MPEG1: variants seen among roughly 807,000 people sequenced by gnomAD.
MPEG1 encodes macrophage expressed 1, also known as macrophage-expressed gene 1 protein.
For synonymous variants in MPEG1, 365 were observed against 351.9 expected, an observed-to-expected ratio of 1.04 and a Z score of -0.42; for missense variants, 876 against 880.3, an observed-to-expected ratio of 1.00 and a Z score of 0.06.
In MPEG1 at chr11:59,211,388, T is replaced by C. The variant is rs1862888829; in HGVS notation, c.1478A>G (p.Asn493Ser). 2 of 1,614,156 alleles carry C rather than the reference T, an allele frequency of 1.2e-6. No individual in the cohort carries two copies. Among genetic ancestry groups the C allele is most frequent in the Non-Finnish European group, 1.7e-6 (2 of 1,180,026 alleles). The change falls in exon 1 of 1, where the codon AAT becomes AGT. Residue 493 changes from asparagine to serine, a missense_variant. By Grantham distance (46) the Asn-to-Ser change is conservative. Coordinates refer to ENST00000361050, the MANE Select transcript of MPEG1 (RefSeq NM_001039396.2). ...GTAGCCGGCTGGGCATGACTGTGCA[T>C]TTGTCATGGGGTTTATGCTCTTGCT... ...FSSKSINPMT[N>S]AQSCPAGYFP...
Position 59,211,775 on chromosome 11 carries a change from G to A in MPEG1, c.1091C>T (p.Thr364Met), listed in dbSNP as rs374773074. ...NSPNFNFQAN[T>M]DDGSCEGKMT... ...TTTCCCCTCGCAGGAGCCATCATCCGTGTTGGCCTGAAAATTGAAGTTGGG... is the reference window on the plus strand; with the variant it reads ...TTTCCCCTCGCAGGAGCCATCATCCATGTTGGCCTGAAAATTGAAGTTGGG... The change falls in exon 1 of 1, where the codon ACG becomes ATG. Residue 364 changes from threonine to methionine, a missense_variant. Physicochemically the swap from Thr to Met is moderately conservative, Grantham distance 81 (BLOSUM62 -1). Coordinates refer to ENST00000361050, the MANE Select transcript of MPEG1 (RefSeq NM_001039396.2). 3.4e-5 allele frequency: 55 copies of A among 1,614,194 alleles called. 1 individual carries two copies. The highest frequency in any genetic ancestry group is 1.1e-4 in the East Asian group (5 of 44,886).
rs1180252024 is a variant in MPEG1, at chr11:59,209,459, T to C, written c.*1256A>G. On this transcript the variant is annotated 3_prime_UTR_variant, in exon 1 of 1. Transcript: ENST00000361050. ...AGATTGGTATTAAAATTGAGCAAAG[T>C]CCCAACTCTCACCAGATGACAATTA... The C allele has an allele frequency of 6.6e-6, 1 of 152,122 alleles. No individual in the cohort carries two copies. Among genetic ancestry groups the C allele is most frequent in the Non-Finnish European group, 1.5e-5 (1 of 68,034 alleles). The allele number at this position is 152,122 out of a possible 1,614,324, so 9.4% of individuals were successfully genotyped here.
In MPEG1 at chr11:59,211,003, C is replaced by G; in HGVS notation, c.1863G>C (p.Trp621Cys). ...ACTGGTGGGTCTGGGAGTCTTTAATCCAGGATCTCGCATTCTCAGAATTGG... is the reference window on the plus strand; with the variant it reads ...ACTGGTGGGTCTGGGAGTCTTTAATGCAGGATCTCGCATTCTCAGAATTGG... ...IVTNSENARSWIKDSQTHQWR... is the reference protein window; with the variant it reads ...IVTNSENARSCIKDSQTHQWR... The change falls in exon 1 of 1, where the codon TGG (tryptophan) becomes TGC (cysteine). Residue 621 changes from tryptophan (W) to cysteine (C), a missense_variant. Coordinates refer to ENST00000361050, the MANE Select transcript of MPEG1 (RefSeq NM_001039396.2). The G allele has an allele frequency of 1.2e-6, 2 of 1,614,182 alleles. No homozygotes were observed. The highest frequency in any genetic ancestry group is 1.7e-6 in the Non-Finnish European group (2 of 1,180,036).
Position 59,210,623 on chromosome 11 carries a change from T to G in MPEG1, c.*92A>C. On this transcript the variant is annotated 3_prime_UTR_variant, in exon 1 of 1. Coordinates refer to ENST00000361050, the MANE Select transcript of MPEG1 (RefSeq NM_001039396.2). ...ACAAGAAGTCACGAATATACCTACT[T>G]TTGGTTGCACTTGCCATTTCAATGC... 1.7e-6 allele frequency: 2 copies of G among 1,155,372 alleles called. No individual in the cohort carries two copies. Among genetic ancestry groups the G allele is most frequent in the Non-Finnish European group, 2.5e-6 (2 of 796,438 alleles). The allele number at this position is 1,155,372 out of a possible 1,614,324, so 71.6% of individuals were successfully genotyped here.
chr11:59,211,676 C>A lies in MPEG1; in HGVS notation c.1190G>T (p.Cys397Phe). 6.2e-7 allele frequency: 1 copy of A among 1,614,182 alleles called. No individual in the cohort carries two copies. The highest frequency in any genetic ancestry group is 8.5e-7 in the Non-Finnish European group (1 of 1,180,040). Residue 397 changes from cysteine (C) to phenylalanine (F), a missense_variant, in exon 1 of 1, where the codon TGC (cysteine) becomes TTC (phenylalanine). Transcript: ENST00000361050. ...QLSGNRDVLL[C>F]QKLEQKNPLT... The stretch of plus-strand genomic sequence containing the variant: ...TGGATTCTTCTGCTCCAACTTTTGG[C>A]AGAGGAGGACATCCCTATTCCCTGA...
At position 59,210,347 on chromosome 11, in the gene MPEG1, AG is replaced by A; in HGVS notation, c.*367del. ...GTAGTTCTTACAGGCAGAAACTCTT[AG>A]AGCTCACAAATTGGAAACAACTGCA... On this transcript the variant is annotated 3_prime_UTR_variant, in exon 1 of 1. Transcript: ENST00000361050. The A allele has an allele frequency of 9.9e-6, 2 of 201,800 alleles. No individual in the cohort carries two copies. Among genetic ancestry groups the A allele is most frequent in the South Asian group, 1.2e-4 (1 of 8,360 alleles). The allele number at this position is 201,800 out of a possible 1,614,324, so 12.5% of individuals were successfully genotyped here.
Position 59,212,780 on chromosome 11 carries a change from A to T in MPEG1, c.86T>A (p.Val29Asp), listed in dbSNP as rs1192298394. Residue 29 changes from valine (V) to aspartate (D), a missense_variant, in exon 1 of 1, where the codon GTT becomes GAT. Coordinates refer to ENST00000361050, the MANE Select transcript of MPEG1 (RefSeq NM_001039396.2). ...GGCATTCTTGCATTTTTGAACTCCA[A>T]CTTCGTCCATCTCTCCCGAAGGCTT... ...SGKPSGEMDE[V>D]GVQKCKNALK... 6.2e-7 allele frequency: 1 copy of T among 1,614,200 alleles called. No individual in the cohort carries two copies. The highest frequency in any genetic ancestry group is 1.3e-5 in the African/African-American group (1 of 75,048).
In MPEG1 at chr11:59,210,847, G is replaced by A. The variant is rs772598778; in HGVS notation, c.2019C>T (p.Thr673=). 1.2e-5 allele frequency: 20 copies of A among 1,614,032 alleles called. No homozygotes were observed. In the South Asian group the frequency reaches 1.9e-4, roughly 15 times the overall value. ...GVTTILAVVI[T]LAIYGTRKFK... Reference sequence around the variant, plus strand: ...ACTTCCGGGTGCCGTAGATGGCCAAGGTGATAACAACAGCCAGAATGGTGG... The same window carrying A: ...ACTTCCGGGTGCCGTAGATGGCCAAAGTGATAACAACAGCCAGAATGGTGG... Residue 673 remains threonine, a synonymous_variant, in exon 1 of 1, where the codon ACC becomes ACT. Transcript: ENST00000361050.
Position 59,212,318 on chromosome 11 carries a change from T to C in MPEG1, c.548A>G (p.Glu183Gly). 1 of 1,614,028 alleles carries C rather than the reference T, an allele frequency of 6.2e-7. No individual in the cohort carries two copies. The highest frequency in any genetic ancestry group is 1.7e-5 in the Admixed American group (1 of 60,024). ...KELLDISDRL[E>G]NNQTRMATYL... The stretch of plus-strand genomic sequence containing the variant: ...GGTGGCCATCCTCGTCTGGTTGTTC[T>C]CTAGACGGTCAGAGATGTCAAGGAG... Residue 183 changes from glutamate (E) to glycine (G), a missense_variant, in exon 1 of 1, where the codon GAG becomes GGG. Physicochemically the swap from Glu to Gly is moderately conservative, Grantham distance 98. Transcript: ENST00000361050.
Position 59,211,345 on chromosome 11 carries a change from A to G in MPEG1, c.1521T>C (p.Phe507=). 6.2e-7 allele frequency: 1 copy of G among 1,614,186 alleles called. No homozygotes were observed. The highest frequency in any genetic ancestry group is 8.5e-7 in the Non-Finnish European group (1 of 1,180,034). Residue 507 remains phenylalanine, a synonymous_variant, in exon 1 of 1, where the codon TTT becomes TTC. Coordinates refer to ENST00000361050, the MANE Select transcript of MPEG1 (RefSeq NM_001039396.2). ...GAGAAACACATACCTTGAGGTTTTC[A>G]AAGAGTCTCAGTGGAAAGTAGCCGG... ...CPAGYFPLRL[F]ENLKVCVSQD...
rs1480499170 is a variant in MPEG1 at position 59,210,131 on chromosome 11, G to T, written c.*584C>A. 1.3e-5 allele frequency: 2 copies of T among 152,484 alleles called. No homozygotes were observed. Among genetic ancestry groups the T allele is most frequent in the Non-Finnish European group, 2.9e-5 (2 of 68,316 alleles). 9.4% of individuals were successfully genotyped at this position (152,484 alleles called of 1,614,324 possible). A position where few individuals can be genotyped will look rare whatever the true frequency, so the allele number is the denominator to read the frequency against. On this transcript the variant is annotated 3_prime_UTR_variant, in exon 1 of 1. Coordinates refer to ENST00000361050, the MANE Select transcript of MPEG1 (RefSeq NM_001039396.2). ...GTTCATCAAGGGGCAGCTGGAAAAA[G>T]TGGAATTGGCACAGGCAACATCTTT... is the stretch of plus-strand genomic sequence containing the variant.
rs35669635 is a variant in MPEG1, at chr11:59,209,750, CGTGT to C, written c.*961_*964del. On this transcript the variant is annotated 3_prime_UTR_variant, in exon 1 of 1. Transcript: ENST00000361050. ...CATGCAGACATTGAAATGTGGTGTG[CGTGT>C]GTGTGTGTGTGTGTGTGTGTGTGTG... 0.03 allele frequency: 2,479 copies of C among 81,780 alleles called. 72 individuals carry two copies. The highest frequency in any genetic ancestry group is 0.13 in the East Asian group (358 of 2,816). The allele number at this position is 81,780 out of a possible 1,614,324, so 5.1% of individuals were successfully genotyped here. A position where few individuals can be genotyped will look rare whatever the true frequency, so the allele number is the denominator to read the frequency against.
At position 59,211,744 on chromosome 11, in the gene MPEG1, G is replaced by A; in HGVS notation, c.1122C>T (p.Thr374=). Residue 374 remains threonine, a synonymous_variant, in exon 1 of 1, where the codon ACC becomes ACT. Transcript: ENST00000361050. The part of the protein sequence containing the change: ...TDDGSCEGKM[T]NFSFGGVYQE... ...GATAAACCCCACCGAAAGAGAAGTT[G>A]GTCATTTTCCCCTCGCAGGAGCCAT... 2 of 1,614,186 alleles carry A rather than the reference G, an allele frequency of 1.2e-6. No homozygotes were observed. The highest frequency in any genetic ancestry group is 1.1e-5 in the South Asian group (1 of 91,086).
At position 59,208,520 on chromosome 11, in the gene MPEG1, A is replaced by G. The variant is rs1047949369; in HGVS notation, c.*2195T>C. On this transcript the variant is annotated 3_prime_UTR_variant, in exon 1 of 1. Transcript: ENST00000361050. ...ATTATTTACAGGCTGTTGTTTCTCA[A>G]ATAAATGTTTAATATTAATCATTCC... is the stretch of plus-strand genomic sequence containing the variant. 2.0e-5 allele frequency: 3 copies of G among 152,250 alleles called. No homozygotes were observed. The highest frequency in any genetic ancestry group is 2.9e-5 in the Non-Finnish European group (2 of 68,044). The allele number at this position is 152,250 out of a possible 1,614,324, so 9.4% of individuals were successfully genotyped here.
At position 59,211,186 on chromosome 11, in the gene MPEG1, GC is replaced by G. The variant is rs777449563; in HGVS notation, c.1679del (p.Gly560AlafsTer43). The G allele has an allele frequency of 1.2e-5, 20 of 1,614,178 alleles. No homozygotes were observed. Among genetic ancestry groups the G allele is most frequent in the Non-Finnish European group, 1.6e-5 (19 of 1,180,032 alleles). ...TGATGAGGGCTGGGTGCTGGCTGAAGCCCCCGGGGCACTTTTTCAGAGACGG... is the reference window on the plus strand; with the variant it reads ...TGATGAGGGCTGGGTGCTGGCTGAAGCCCCGGGGCACTTTTTCAGAGACGG... ...GAPSLKKCPGGFSQHPALISD... is the reference protein window; with the variant it reads ...GAPSLKKCPGXFSQHPALISD... On this transcript the variant is annotated frameshift_variant, in exon 1 of 1. Coordinates refer to ENST00000361050, the MANE Select transcript of MPEG1 (RefSeq NM_001039396.2). LOFTEE classifies it low-confidence loss of function (END_TRUNC).
rs770096082 is a variant in MPEG1 at position 59,212,263 on chromosome 11, A to G, written c.603T>C (p.Tyr201=). 9 of 1,613,744 alleles carry G rather than the reference A, an allele frequency of 5.6e-6. No individual in the cohort carries two copies. The Admixed American group carries it at 8.3e-5, about 15-fold the overall frequency. ...TYLAELLVLN[Y]GTHVTTSVDA... ...CGACACTGGTGGTGACGTGGGTGCCATAGTTGAGCACCAGGAGTTCTGCCA... is the reference window on the plus strand; with the variant it reads ...CGACACTGGTGGTGACGTGGGTGCCGTAGTTGAGCACCAGGAGTTCTGCCA... Residue 201 remains tyrosine, a synonymous_variant, in exon 1 of 1, where the codon TAT becomes TAC. Transcript: ENST00000361050.
chr11:59,212,249 G>A lies in MPEG1; in HGVS notation c.617C>T (p.Thr206Ile), dbSNP rs76683796. 684 of 1,613,824 alleles carry A rather than the reference G, an allele frequency of 4.2e-4. 3 individuals carry two copies. Among genetic ancestry groups the A allele is most frequent in the East Asian group, 2.8e-3 (125 of 44,874 alleles). Residue 206 changes from threonine to isoleucine, a missense_variant, in exon 1 of 1, where the codon ACC (threonine) becomes ATC (isoleucine). Coordinates refer to ENST00000361050, the MANE Select transcript of MPEG1 (RefSeq NM_001039396.2). ...AGCAGCCCCAGCGTCGACACTGGTG[G>A]TGACGTGGGTGCCATAGTTGAGCAC... ...LLVLNYGTHV[T>I]TSVDAGAALI... is the part of the protein sequence containing the mutation.
rs777225181 is a variant in MPEG1, at chr11:59,210,933, T to C, written c.1933A>G (p.Ile645Val). The C allele has an allele frequency of 5.0e-6, 8 of 1,614,078 alleles. No homozygotes were observed. The highest frequency in any genetic ancestry group is 6.8e-6 in the Non-Finnish European group (8 of 1,180,040). ...GACAGACCACCACCATCCCCATGGA[T>C]GACATTCATGGCCCTCCGCAGCTCT... ...PIELRRAMNV[I>V]HGDGGGLSGG... Residue 645 changes from isoleucine (I) to valine (V), a missense_variant, in exon 1 of 1, where the codon ATC becomes GTC. Ile to Val is a conservative substitution (Grantham distance 29, BLOSUM62 3). Transcript: ENST00000361050.
chr11:59,209,427 T>G lies in MPEG1; in HGVS notation c.*1288A>C, dbSNP rs973659154. ...ATGAAAGTAGTGGAGGTAATTACAATCAGGAGAGATTGGTATTAAAATTGA... is the reference window on the plus strand; with the variant it reads ...ATGAAAGTAGTGGAGGTAATTACAAGCAGGAGAGATTGGTATTAAAATTGA... On this transcript the variant is annotated 3_prime_UTR_variant, in exon 1 of 1. Transcript: ENST00000361050. 6.6e-6 allele frequency: 1 copy of G among 152,174 alleles called. No homozygotes were observed. The highest frequency in any genetic ancestry group is 2.4e-5 in the African/African-American group (1 of 41,428). 9.4% of individuals were successfully genotyped at this position (152,174 alleles called of 1,614,324 possible). A position where few individuals can be genotyped will look rare whatever the true frequency, so the allele number is the denominator to read the frequency against.
Sources: gnomAD v4.1 joint callset for allele counts on GRCh38, gnomAD v4.1.1 for gene constraint, MANE v1.5 for transcripts, NCBI Gene and HGNC (gene_info 2026-07-23, HGNC 2026-07-21) for gene names.